The following RYR2 variants were observed in gnomAD, a reference collection of about 807,000 sequenced individuals.
RYR2 encodes the protein cardiac muscle ryanodine receptor-calcium release channel.
In RYR2, 227 loss-of-function variants were observed where a neutral mutation model predicts 601.1. The ratio of observed to expected loss-of-function variants is 0.38; its 90% CI spans 0.34 to 0.42. The LOEUF is 0.42. RYR2 is among the 10% of genes least tolerant of loss of function. RYR2 has a pLI of 1.00. For missense variants in RYR2, 4,646 were observed against 6,156.5 expected (o/e 0.75, Z 8.21); for synonymous variants, 2,223 against 2,175.1 (o/e 1.02, Z -0.61).
chr1:237,073,698 C>A (rs371766201), intron 1 of RYR2, among the ~76,000 whole-genome samples: 2 of 151,842 alleles, frequency 1.3e-5, no homozygotes, highest in African/African-American at 4.8e-5. Context: ...GGCAAAACCC[C>A]GTCTTCACTA....
intron 57 of RYR2, among the ~76,000 whole-genome samples, chr1:237,667,304 A>G (rs1211066347): frequency 6.6e-6 from 1 of 152,232 alleles, no homozygotes; most frequent in Non-Finnish European, 1.5e-5. Flanking sequence ...ACATATTGTT[A>G]AATTGTTTGG....
Position 237,145,970 on chromosome 1 carries a change from G to A in RYR2, c.48+103401G>A, listed in dbSNP as rs564075132. 2.6e-5 allele frequency among the ~76,000 whole-genome samples: 4 copies of A among 152,310 alleles called. No individual in the cohort carries two copies. In the East Asian group the frequency reaches 5.8e-4, roughly 22 times the overall value. On this transcript the variant is annotated intron_variant, in intron 1 of 104. Transcript: ENST00000366574. ...AACAAAAATCCTGTGTAAGACTTCA[G>A]AATCTCAGTAAGCAGGGTAATGTCG...
chr1:237,236,164 T>A (rs1452643885), intron 1 of RYR2, among the ~76,000 whole-genome samples: 3 of 152,184 alleles, frequency 2.0e-5, no homozygotes, highest in Admixed American at 2.0e-4. Flanking sequence ...GCTTTCATTA[T>A]CCCAGATCTA....
chr1:237,228,701 G>A (rs546826169), intron 1 of RYR2, among the ~76,000 whole-genome samples: 5 of 152,154 alleles, frequency 3.3e-5, no homozygotes, highest in African/African-American at 4.8e-5. Flanking sequence ...TTGAGCAAGC[G>A]ATTTAACCTT....
At chr1:237,287,099 C>G (rs987102147) in intron 2 of RYR2, among the ~76,000 whole-genome samples, 1 of 152,096 alleles carries the variant, frequency 6.6e-6, no homozygotes, top group Non-Finnish European at 1.5e-5. Flanking sequence ...TTGCTGGATA[C>G]AAAATTCTAG....
At chr1:237,450,550 T>G (rs570935984) in intron 14 of RYR2, among the ~76,000 whole-genome samples, 2 of 149,320 alleles carry the variant, frequency 1.3e-5, no homozygotes, top group East Asian at 2.0e-4. Context: ...TTTGTTTTTT[T>G]GGGTTGTTTC....
chr1:237,389,899 G>C (rs1381088873), intron 10 of RYR2, among the ~76,000 whole-genome samples: 6 of 152,254 alleles, frequency 3.9e-5, no homozygotes, highest in Middle Eastern at 3.4e-3. Context: ...TCATCAGATG[G>C]AGAGGGAAGA....
At chr1:237,747,775 A>C (rs1692204059) in intron 80 of RYR2, among the ~76,000 whole-genome samples, 2 of 152,220 alleles carry the variant, frequency 1.3e-5, no homozygotes, top group African/African-American at 4.8e-5. Context: ...TTAAATGCAT[A>C]AAAATTAAAG....
chr1:237,567,432 A>G (rs888521415), intron 28 of RYR2, among the ~76,000 whole-genome samples: 4 of 150,828 alleles, frequency 2.7e-5, no homozygotes, highest in African/African-American at 9.7e-5. Context: ...AAAAAAAAAA[A>G]AATTAAAATT....
intron 12 of RYR2, among the ~76,000 whole-genome samples, chr1:237,439,800 AG>A (rs1189951276): frequency 6.7e-6 from 1 of 150,112 alleles, no homozygotes; most frequent in African/African-American, 2.4e-5. Flanking sequence ...TAAATAGTCT[AG>A]ACACAAACCA....
chr1:237,459,605 A>G (rs764807066), intron 16 of RYR2, among the ~76,000 whole-genome samples: 2 of 152,210 alleles, frequency 1.3e-5, no homozygotes, highest in Admixed American at 1.3e-4. Flanking sequence ...AGAAGGAATT[A>G]TAATTTTTTA....
intron 2 of RYR2, among the ~76,000 whole-genome samples, chr1:237,323,486 T>A (rs553656930): frequency 6.6e-6 from 1 of 152,270 alleles, no homozygotes; most frequent in South Asian, 2.1e-4. Flanking sequence ...ATCCAATGAG[T>A]GTACCTTCTA....
intron 41 of RYR2, among the ~76,000 whole-genome samples, chr1:237,629,635 A>G (rs1357772324): frequency 6.6e-6 from 1 of 152,084 alleles, no homozygotes; most frequent in Non-Finnish European, 1.5e-5. Context: ...AAGAAACAAT[A>G]AAATTGATCA....
chr1:237,489,466 G>A (rs1174894726), intron 17 of RYR2, among the ~76,000 whole-genome samples: 1 of 152,172 alleles, frequency 6.6e-6, no homozygotes, highest in East Asian at 1.9e-4. Flanking sequence ...AGACCAGCCT[G>A]GCCAACATGG....
At chr1:237,403,405 T>A (rs2149949584) in intron 10 of RYR2, among the ~76,000 whole-genome samples, 1 of 152,300 alleles carries the variant, frequency 6.6e-6, no homozygotes, top group Admixed American at 6.5e-5. Context: ...TCTAAAATTT[T>A]ATATCCGGTA....
intron 29 of RYR2, among the ~76,000 whole-genome samples, chr1:237,578,071 A>G (rs993503760): frequency 3.3e-5 from 5 of 152,134 alleles, no homozygotes; most frequent in Non-Finnish European, 5.9e-5. Flanking sequence ...TGGCCTCCCA[A>G]AGTGCTGGGA....
At position 237,594,905 on chromosome 1, in the gene RYR2, T is replaced by G. The variant is rs200581639; in HGVS notation, c.4437-593T>G. ...CACTGGGTTTTTTTTTTTTTTTTTT[T>G]TTTTTTTTTTTTTTTTTTTTTTTTT... On this transcript the variant is annotated intron_variant, in intron 33 of 104. Coordinates refer to ENST00000366574, the MANE Select transcript of RYR2 (RefSeq NM_001035.3). 4.3e-3 allele frequency among the ~76,000 whole-genome samples: 217 copies of G among 50,062 alleles called. 3 individuals are homozygous for G. Among genetic ancestry groups the G allele is most frequent in the African/African-American group, 8.5e-3 (187 of 22,110 alleles). 32.8% of individuals were successfully genotyped at this position (50,062 alleles called of 152,430 possible).
At chr1:237,159,473 A>G (rs1675771218) in intron 1 of RYR2, among the ~76,000 whole-genome samples, 2 of 152,122 alleles carry the variant, frequency 1.3e-5, no homozygotes, top group Admixed American at 1.3e-4. Flanking sequence ...CATTACATAG[A>G]TGAGAAATAC....
chr1:237,505,132 T>A (rs1043189353), intron 22 of RYR2, among the ~76,000 whole-genome samples: 1 of 152,212 alleles, frequency 6.6e-6, no homozygotes, highest in Admixed American at 6.5e-5. Context: ...ACTCTTCCCT[T>A]AGGGGAGCTG....
Sources: gnomAD v4.1 joint callset for allele counts (sites outside exome capture counted in the v4.1 genomes callset) on GRCh38, gnomAD v4.1.1 for gene constraint, MANE v1.5 for transcripts, NCBI Gene and HGNC (gene_info 2026-07-23, HGNC 2026-07-21) for gene names.